The following DLGAP2 variants were observed in gnomAD, a reference collection of about 807,000 sequenced individuals.
DLGAP2 encodes the protein DLG associated protein 2.
In DLGAP2, 26 loss-of-function variants were observed where a neutral mutation model predicts 100.3. That is an observed-to-expected ratio of 0.26 (90% CI 0.19 to 0.36). The LOEUF (loss-of-function observed/expected upper bound fraction) is 0.36. DLGAP2 is among the 10% of genes least tolerant of loss of function. The pLI is 1.00. For missense variants in DLGAP2, 1,858 were observed against 1,453.2 expected (o/e 1.28, Z -4.53); for synonymous variants, 886 against 630.1 (o/e 1.41, Z -6.08).
chr8:1,537,718 G>A (rs1001294438), intron 4 of DLGAP2, among the ~76,000 whole-genome samples: 2 of 143,512 alleles, frequency 1.4e-5, no homozygotes, highest in African/African-American at 5.4e-5. Flanking sequence ...TGGATGGATG[G>A]ATGAAAGGAT....
rs140928770 is a variant in DLGAP2, at chr8:1,707,904, C to G, written c.*6498C>G. The G allele has an allele frequency of 1.3e-5, 2 of 152,574 alleles. No individual in the cohort carries two copies. The highest frequency in any genetic ancestry group is 1.9e-4 in the East Asian group (1 of 5,202). The allele number at this position is 152,574 out of a possible 1,614,324, so 9.5% of individuals were successfully genotyped here. A position where few individuals can be genotyped will look rare whatever the true frequency, so the allele number is the denominator to read the frequency against. The stretch of plus-strand genomic sequence containing the variant: ...CTATTTTATGTCATTCTCTTTCTCA[C>G]GCTTTTATGGTTCTTTTGATAAATT... On this transcript the variant is annotated 3_prime_UTR_variant, in exon 15 of 15. Transcript: ENST00000637795.
chr8:759,465 G>A (rs1403239521), intron 1 of DLGAP2, among the ~76,000 whole-genome samples: 2 of 151,866 alleles, frequency 1.3e-5, no homozygotes, highest in Non-Finnish European at 2.9e-5. Flanking sequence ...ATGCACAGGT[G>A]TGTGACCAGC....
At chr8:1,207,402 C>G (rs1798019360) in intron 2 of DLGAP2, among the ~76,000 whole-genome samples, 1 of 152,164 alleles carries the variant, frequency 6.6e-6, no homozygotes. Flanking sequence ...CCGCAAATGC[C>G]ATTATTTTGT....
At chr8:1,584,064 C>T (rs1412926765) in intron 6 of DLGAP2, among the ~76,000 whole-genome samples, 3 of 152,028 alleles carry the variant, frequency 2.0e-5, no homozygotes, top group African/African-American at 7.2e-5. Flanking sequence ...TTTGCTTTCC[C>T]GAGAGTCCCT....
At chr8:925,884 A>G (rs1798803980) in intron 2 of DLGAP2, among the ~76,000 whole-genome samples, 1 of 152,156 alleles carries the variant, frequency 6.6e-6, no homozygotes, top group African/African-American at 2.4e-5. Flanking sequence ...GCATAATAAA[A>G]TGTATTTTAA....
At chr8:1,304,466 T>G (rs1800442768) in intron 3 of DLGAP2, among the ~76,000 whole-genome samples, 1 of 152,158 alleles carries the variant, frequency 6.6e-6, no homozygotes, top group Non-Finnish European at 1.5e-5. Flanking sequence ...AAAACAAACA[T>G]TAAACACTTT....
At chr8:1,563,041 G>A (rs1432641295) in intron 5 of DLGAP2, among the ~76,000 whole-genome samples, 1 of 41,366 alleles carries the variant, frequency 2.4e-5, no homozygotes, top group Non-Finnish European at 4.3e-5. Context: ...GGGTGTCCGC[G>A]CCTCGTTACT....
chr8:1,241,661 A>G (rs1308264444), intron 2 of DLGAP2, among the ~76,000 whole-genome samples: 1 of 152,184 alleles, frequency 6.6e-6, no homozygotes, highest in African/African-American at 2.4e-5. Context: ...ACCAGTGGAA[A>G]TGACTTGAAT....
At chr8:1,507,573 G>A (rs1401378004) in intron 4 of DLGAP2, among the ~76,000 whole-genome samples, 1 of 152,188 alleles carries the variant, frequency 6.6e-6, no homozygotes, top group Non-Finnish European at 1.5e-5. Context: ...GGCAGTGGCT[G>A]GCTGAAGGGC....
At chr8:998,687 C>T (rs1276650115) in intron 2 of DLGAP2, among the ~76,000 whole-genome samples, 4 of 152,124 alleles carry the variant, frequency 2.6e-5, no homozygotes, top group African/African-American at 7.2e-5. Context: ...GTTTGCTTCA[C>T]GATTTCTTCC....
At chr8:1,169,227 T>A (rs970824960) in intron 2 of DLGAP2, among the ~76,000 whole-genome samples, 1 of 152,186 alleles carries the variant, frequency 6.6e-6, no homozygotes, top group Non-Finnish European at 1.5e-5. Flanking sequence ...CTCTGTTCTG[T>A]ACTATTGATC....
chr8:1,527,043 C>A (rs1232770175), intron 4 of DLGAP2, among the ~76,000 whole-genome samples: 2 of 152,040 alleles, frequency 1.3e-5, no homozygotes, highest in Non-Finnish European at 2.9e-5. Flanking sequence ...GTTCACATGC[C>A]CTATCCAACC....
chr8:1,447,918 G>A (rs1798026601), intron 3 of DLGAP2, among the ~76,000 whole-genome samples: 1 of 152,196 alleles, frequency 6.6e-6, no homozygotes, highest in Non-Finnish European at 1.5e-5. Flanking sequence ...TATTTCTGTG[G>A]GATCGGTGGT....
At chr8:1,658,805 A>C (rs543841114) in intron 8 of DLGAP2, among the ~76,000 whole-genome samples, 1 of 151,892 alleles carries the variant, frequency 6.6e-6, no homozygotes, top group Non-Finnish European at 1.5e-5. Context: ...TGATGTTTGG[A>C]AGGTTTTTTT....
intron 1 of DLGAP2, among the ~76,000 whole-genome samples, chr8:892,810 T>A (rs1798063729): frequency 6.6e-6 from 1 of 152,022 alleles, no homozygotes; most frequent in South Asian, 2.1e-4. Flanking sequence ...AGGAGGGAAT[T>A]TAGGGTTTTT....
intron 1 of DLGAP2, among the ~76,000 whole-genome samples, chr8:881,253 G>A (rs1797785277): frequency 6.6e-6 from 1 of 152,118 alleles, no homozygotes; most frequent in African/African-American, 2.4e-5. Context: ...AACTCTCTCA[G>A]AGTAGTCATA....
In DLGAP2 at chr8:1,708,361, T is replaced by C. The variant is rs1372468652; in HGVS notation, c.*6955T>C. On this transcript the variant is annotated 3_prime_UTR_variant, in exon 15 of 15. Transcript: ENST00000637795. ...TATTTCATTGTTGAAATATCCTCAA[T>C]TTCTCTATATTTTAAGAAGTAATGG... The C allele has an allele frequency of 6.6e-6, 1 of 152,224 alleles. No individual in the cohort carries two copies. The highest frequency in any genetic ancestry group is 1.9e-4 in the East Asian group (1 of 5,200). 9.4% of individuals were successfully genotyped at this position (152,224 alleles called of 1,614,324 possible). A position where few individuals can be genotyped will look rare whatever the true frequency, so the allele number is the denominator to read the frequency against.
intron 2 of DLGAP2, among the ~76,000 whole-genome samples, chr8:1,039,659 TGG>T (rs1563158899): frequency 3.8e-5 from 2 of 52,458 alleles, no homozygotes; most frequent in East Asian, 6.2e-4. Context: ...CAGCTCGGTG[TGG>T]GTGGTCAGCT....
intron 6 of DLGAP2, among the ~76,000 whole-genome samples, chr8:1,616,621 A>C (rs1797162609): frequency 6.6e-6 from 1 of 152,264 alleles, no homozygotes; most frequent in African/African-American, 2.4e-5. Context: ...CTATTGATTC[A>C]GAATACTATA....
Sources: gnomAD v4.1 joint callset for allele counts (sites outside exome capture counted in the v4.1 genomes callset) on GRCh38, gnomAD v4.1.1 for gene constraint, MANE v1.5 for transcripts, NCBI Gene and HGNC (gene_info 2026-07-23, HGNC 2026-07-21) for gene names.